The following CDC27 variants were observed in gnomAD, a reference collection of about 807,000 sequenced individuals.
CDC27 encodes cell division cycle 27.
CDC27 carries 27 observed loss-of-function variants against 109.7 expected under a neutral mutation model. That is an observed-to-expected ratio of 0.25 (90% CI 0.18 to 0.34). The LOEUF (loss-of-function observed/expected upper bound fraction) is 0.34, where lower values mean the gene tolerates loss of function less well. Ranked by LOEUF, CDC27 falls within the 10% of genes least tolerant of loss-of-function variation. CDC27 has a pLI of 1.00. For missense variants in CDC27, 579 were observed against 960.2 expected (o/e 0.60, Z 5.25); for synonymous variants, 266 against 333.9 (o/e 0.80, Z 2.22).
chr17:47,121,057 C>T, intron 18 of CDC27, 40 bp from the exon 19 acceptor site: 1 of 1,272,254 alleles, frequency 7.9e-7, no homozygotes, highest in Non-Finnish European at 1.1e-6. Flanking sequence ...AGTTTTCTGA[C>T]AAATATGTCC....
At chr17:47,121,634 G>T (rs1296776003) in intron 18 of CDC27, among the ~76,000 whole-genome samples, 2 of 151,976 alleles carry the variant, frequency 1.3e-5, no homozygotes, top group African/African-American at 4.8e-5. Context: ...TTAGAGACAG[G>T]GTCTCACTGG....
At chr17:47,132,198 T>C (rs1055780735) in intron 15 of CDC27, 59 bp downstream of exon 15, 8 of 827,182 alleles carry the variant, frequency 9.7e-6, no homozygotes, top group African/African-American at 8.7e-5. Context: ...ATTAAATCAA[T>C]AACAAACATA....
intron 13 of CDC27, among the ~76,000 whole-genome samples, chr17:47,138,126 A>G (rs1002461086): frequency 1.3e-5 from 2 of 152,124 alleles, no homozygotes; most frequent in African/African-American, 4.8e-5. Flanking sequence ...TAAAGAAAAT[A>G]GGATCTACCA....
chr17:47,188,934 C>A, intron 1 of CDC27: 1 of 1,385,274 alleles, frequency 7.2e-7, no homozygotes, highest in South Asian at 1.7e-5. Context: ...CGAAGCCGCT[C>A]ACGCTAAGGG....
intron 4 of CDC27, 199 bp downstream of exon 4, chr17:47,169,718 G>A (rs1174771904): frequency 5.4e-6 from 2 of 372,716 alleles, no homozygotes; most frequent in Admixed American, 4.6e-5. Flanking sequence ...CAGGGCAGCT[G>A]TAGCTATTAT....
At chr17:47,141,766 G>A in intron 12 of CDC27, 87 bp downstream of exon 12, 1 of 728,156 alleles carries the variant, frequency 1.4e-6, no homozygotes, top group Admixed American at 2.8e-5. Context: ...TGATCTTTTA[G>A]ATCTAGCCTT....
intron 4 of CDC27, among the ~76,000 whole-genome samples, chr17:47,167,476 A>AT (rs972744811): frequency 1.3e-5 from 2 of 152,126 alleles, no homozygotes; most frequent in East Asian, 1.9e-4. Context: ...ATGTTGTCAA[A>AT]TTTTACTTTT....
intron 8 of CDC27, among the ~76,000 whole-genome samples, chr17:47,153,893 G>A (rs377323844): frequency 1.1e-4 from 16 of 152,084 alleles, no homozygotes; most frequent in East Asian, 3.9e-4. Context: ...GACCATCCCT[G>A]GCAACACAGT....
intron 1 of CDC27, among the ~76,000 whole-genome samples, chr17:47,188,542 G>T (rs1370883081): frequency 6.6e-6 from 1 of 151,798 alleles, no homozygotes; most frequent in Non-Finnish European, 1.5e-5. Flanking sequence ...TCCTCCCCTG[G>T]TATTGGTGCT....
At chr17:47,180,148 C>A (rs1986817) in intron 2 of CDC27, among the ~76,000 whole-genome samples, 4 of 152,148 alleles carry the variant, frequency 2.6e-5, no homozygotes, top group South Asian at 2.1e-4. Context: ...TTTAAAAATA[C>A]AGCAAAATAT....
At chr17:47,133,136 TA>T (rs1190007082) in intron 14 of CDC27, among the ~76,000 whole-genome samples, 13 of 114,512 alleles carry the variant, frequency 1.1e-4, no homozygotes, top group East Asian at 5.0e-4. Flanking sequence ...TATATATATA[TA>T]ATATATATGT....
chr17:47,133,062 T>TATATACACAC (rs373677958), intron 14 of CDC27, among the ~76,000 whole-genome samples: 1 of 73,724 alleles, frequency 1.4e-5, no homozygotes, highest in Non-Finnish European at 2.4e-5. Flanking sequence ...CACATACATA[T>TATATACACAC]ACACACACAC....
intron 7 of CDC27, among the ~76,000 whole-genome samples, chr17:47,155,205 C>G (rs1192193873): frequency 6.6e-6 from 1 of 152,048 alleles, no homozygotes; most frequent in Non-Finnish European, 1.5e-5. Flanking sequence ...TTTAGTAGTT[C>G]CCCGGCCTCA....
intron 16 of CDC27, among the ~76,000 whole-genome samples, chr17:47,126,343 A>T (rs1177184396): frequency 2.0e-5 from 3 of 152,190 alleles, no homozygotes; most frequent in Non-Finnish European, 2.9e-5. Flanking sequence ...AGGCCTCATA[A>T]TTCAGCGAAG....
intron 15 of CDC27, among the ~76,000 whole-genome samples, chr17:47,130,045 A>G (rs2062271775): frequency 6.6e-6 from 1 of 152,216 alleles, no homozygotes; most frequent in Non-Finnish European, 1.5e-5. Flanking sequence ...TATATTTTCA[A>G]TATTTTAGGA....
At chr17:47,165,478 G>C (rs1170346230) in intron 4 of CDC27, among the ~76,000 whole-genome samples, 1 of 152,088 alleles carries the variant, frequency 6.6e-6, no homozygotes, top group African/African-American at 2.4e-5. Context: ...ACTCTCTTTG[G>C]TGAAATGTCC....
At chr17:47,141,608 C>T (rs1027465614) in intron 12 of CDC27, among the ~76,000 whole-genome samples, 2 of 152,208 alleles carry the variant, frequency 1.3e-5, no homozygotes, top group South Asian at 2.1e-4. Context: ...ACACACTCTA[C>T]GTAAGAATGT....
chr17:47,125,235 C>CTTTTT lies in CDC27; in HGVS notation c.2161-1280_2161-1276dup, dbSNP rs58631604. ...GCACCCGGCCTTACTTTAAAGAAAT[C>CTTTTT]TTTTTTTTTTTTTTTTTTTTTTTTT... On this transcript the variant is annotated intron_variant, in intron 16 of 18. Transcript: ENST00000066544. Among the ~76,000 whole-genome samples the CTTTTT allele has an allele frequency of 5.4e-4, 26 of 48,048 alleles. 2 individuals are homozygous for CTTTTT. The highest frequency in any genetic ancestry group is 9.0e-4 in the Non-Finnish European group (25 of 27,770). 31.5% of individuals were successfully genotyped at this position (48,048 alleles called of 152,430 possible).
intron 4 of CDC27, among the ~76,000 whole-genome samples, chr17:47,167,418 A>G (rs2063683406): frequency 3.3e-5 from 5 of 152,208 alleles, no homozygotes; most frequent in Admixed American, 6.5e-5. Context: ...AATAATTTGT[A>G]GTCTTTGAAC....
Sources: gnomAD v4.1 joint callset for allele counts (sites outside exome capture counted in the v4.1 genomes callset) on GRCh38, gnomAD v4.1.1 for gene constraint, MANE v1.5 for transcripts, NCBI Gene and HGNC (gene_info 2026-07-23, HGNC 2026-07-21) for gene names.